UMAD1: variants seen among roughly 807,000 people sequenced by gnomAD.
UMAD1 encodes the protein UBAP1-MVB12-associated (UMA)-domain containing protein 1.
Under a neutral mutation model 6.1 loss-of-function variants are expected in UMAD1, and 8 were observed. The observed-to-expected ratio is 1.30, with a 90% CI of 0.76 to 2.35. UMAD1 has a LOEUF of 2.35. Among genes scored for constraint, UMAD1 ranks in the 30% most tolerant of loss-of-function variants. The pLI, the probability that UMAD1 is intolerant of heterozygous loss-of-function variation, is 0.00. For synonymous variants in UMAD1, 56 were observed against 31.4 expected (o/e 1.78, Z -2.61); for missense variants, 130 against 78.4 (o/e 1.66, Z -2.49).
chr7:7,808,397 G>C (rs1782959001), intron 3 of UMAD1, among the ~76,000 whole-genome samples: 1 of 151,946 alleles, frequency 6.6e-6, no homozygotes, highest in South Asian at 2.1e-4. Flanking sequence ...ATGTAAGCAA[G>C]TCGTCATTCT....
At chr7:7,746,822 A>G (rs1781581830) in intron 2 of UMAD1, among the ~76,000 whole-genome samples, 1 of 152,232 alleles carries the variant, frequency 6.6e-6, no homozygotes, top group Non-Finnish European at 1.5e-5. Context: ...CAACTTGAGA[A>G]TGCCTTATTA....
At chr7:7,827,545 A>G (rs1037455031) in intron 3 of UMAD1, among the ~76,000 whole-genome samples, 1 of 152,202 alleles carries the variant, frequency 6.6e-6, no homozygotes, top group Non-Finnish European at 1.5e-5. Flanking sequence ...AGGAAATTTT[A>G]TGCCAATATC....
At chr7:7,747,551 A>G (rs1476992076) in intron 2 of UMAD1, among the ~76,000 whole-genome samples, 1 of 152,210 alleles carries the variant, frequency 6.6e-6, no homozygotes, top group Non-Finnish European at 1.5e-5. Flanking sequence ...GGTTATCATG[A>G]CACTTAGTAA....
intron 2 of UMAD1, among the ~76,000 whole-genome samples, chr7:7,716,927 C>A (rs1247940792): frequency 1.3e-5 from 2 of 152,176 alleles, no homozygotes; most frequent in Non-Finnish European, 2.9e-5. Flanking sequence ...CTCTCGTGCC[C>A]TATGTAAATC....
At chr7:7,795,599 A>G (rs1319945358) in intron 2 of UMAD1, among the ~76,000 whole-genome samples, 1 of 152,202 alleles carries the variant, frequency 6.6e-6, no homozygotes, top group African/African-American at 2.4e-5. Flanking sequence ...GGCTATTTTT[A>G]TGGTTATTTA....
At chr7:7,696,840 CT>C (rs113254851) in intron 2 of UMAD1, among the ~76,000 whole-genome samples, 169 of 146,588 alleles carry the variant, frequency 1.2e-3, no homozygotes, top group African/African-American at 2.3e-3. Context: ...CTTTCTTCTT[CT>C]TTTTTTTTTT....
intron 3 of UMAD1, among the ~76,000 whole-genome samples, chr7:7,875,460 A>G (rs1784399521): frequency 6.6e-6 from 1 of 152,254 alleles, no homozygotes; most frequent in South Asian, 2.1e-4. Flanking sequence ...AGTAAAGATG[A>G]AAAGAGAGAA....
At chr7:7,642,527 C>T (rs866502570) in intron 1 of UMAD1, among the ~76,000 whole-genome samples, 1 of 151,754 alleles carries the variant, frequency 6.6e-6, no homozygotes, top group African/African-American at 2.4e-5. Flanking sequence ...TCGTTGTTTA[C>T]CTGCAGTTAG....
intron 3 of UMAD1, among the ~76,000 whole-genome samples, chr7:7,827,147 ATGTG>A (rs60211625): frequency 6.7e-5 from 9 of 134,150 alleles, no homozygotes; most frequent in African/African-American, 1.2e-4. Flanking sequence ...ATATATATAT[ATGTG>A]TGTGTGTGTG....
At chr7:7,728,329 T>G (rs1277384736) in intron 2 of UMAD1, among the ~76,000 whole-genome samples, 1 of 152,158 alleles carries the variant, frequency 6.6e-6, no homozygotes, top group Non-Finnish European at 1.5e-5. Context: ...TTCAGTTTTC[T>G]CATTTACAAA....
intron 2 of UMAD1, among the ~76,000 whole-genome samples, chr7:7,674,836 C>T (rs1237111230): frequency 6.6e-6 from 1 of 152,082 alleles, no homozygotes; most frequent in Admixed American, 6.5e-5. Context: ...GTACATCAGG[C>T]CTCCTGTGAA....
chr7:7,677,978 A>G (rs1445446439), intron 2 of UMAD1, among the ~76,000 whole-genome samples: 1 of 152,108 alleles, frequency 6.6e-6, no homozygotes, highest in African/African-American at 2.4e-5. Flanking sequence ...CGGCCTATCT[A>G]TTCATCTGTT....
intron 2 of UMAD1, among the ~76,000 whole-genome samples, chr7:7,704,766 C>CAAAAGA (rs1780555383): frequency 5.6e-5 from 1 of 17,826 alleles, no homozygotes; most frequent in African/African-American, 2.1e-4. Flanking sequence ...GACTCCATCT[C>CAAAAGA]AAAAAAAAAA....
At chr7:7,772,518 T>G (rs773094625) in intron 2 of UMAD1, 6 of 152,192 alleles carry the variant, frequency 3.9e-5, no homozygotes, top group Non-Finnish European at 5.9e-5. Context: ...CATACAGGGA[T>G]GTTTATGTAG....
At chr7:7,781,240 C>G (rs1782338009) in intron 2 of UMAD1, among the ~76,000 whole-genome samples, 2 of 152,122 alleles carry the variant, frequency 1.3e-5, no homozygotes, top group Non-Finnish European at 2.9e-5. Context: ...TGTCTTTGAT[C>G]TGCCTTCTTT....
intron 3 of UMAD1, among the ~76,000 whole-genome samples, chr7:7,849,805 G>A (rs1304568556): frequency 6.6e-6 from 1 of 151,886 alleles, no homozygotes; most frequent in Non-Finnish European, 1.5e-5. Context: ...AGAGAATGGG[G>A]TGAATGGGGT....
intron 3 of UMAD1, among the ~76,000 whole-genome samples, chr7:7,813,837 G>A (rs1783072196): frequency 6.6e-6 from 1 of 152,052 alleles, no homozygotes; most frequent in South Asian, 2.1e-4. Context: ...TTGTACTGTT[G>A]TTCAGTTTGA....
intron 3 of UMAD1, among the ~76,000 whole-genome samples, chr7:7,808,272 A>G (rs979171993): frequency 1.3e-5 from 2 of 151,890 alleles, no homozygotes; most frequent in Admixed American, 6.6e-5. Context: ...ATCTACTTCT[A>G]CTGTGTTCTA....
chr7:7,692,733 C>T (rs1016770472), intron 2 of UMAD1, among the ~76,000 whole-genome samples: 5 of 152,138 alleles, frequency 3.3e-5, no homozygotes, highest in Non-Finnish European at 5.9e-5. Context: ...CCTCAGCCTC[C>T]CGAGTAGTTG....
Sources: gnomAD v4.1 joint callset for allele counts (sites outside exome capture counted in the v4.1 genomes callset) on GRCh38, gnomAD v4.1.1 for gene constraint, MANE v1.5 for transcripts, NCBI Gene and HGNC (gene_info 2026-07-23, HGNC 2026-07-21) for gene names.